The following GNL3 variants were observed in gnomAD, a reference collection of about 807,000 sequenced individuals.
The protein encoded by GNL3 is guanine nucleotide-binding protein-like 3.
A neutral mutation model predicts 70.6 loss-of-function variants in GNL3; 77 were observed. That is an observed-to-expected ratio of 1.09 (90% CI 0.91 to 1.32). GNL3 has a LOEUF of 1.32. Among genes scored for constraint, GNL3 ranks in the 40% most tolerant of loss-of-function variants. GNL3 has a pLI of 0.00. For synonymous variants in GNL3, 252 were observed against 216.1 expected (o/e 1.17, Z -1.46); for missense variants, 634 against 644.0 (o/e 0.98, Z 0.17).
In GNL3 at chr3:52,686,373, C is replaced by T. The variant is rs544488784; in HGVS notation, c.13+268C>T. ...TTTTCGTAAGGAAGCAGCGTCTGAG[C>T]CAGGTTTGAGGCCCAATATTTTCTT... On this transcript the variant is annotated intron_variant, in intron 1 of 14. Coordinates refer to ENST00000418458, the MANE Select transcript of GNL3 (RefSeq NM_014366.5). 5.1e-6 allele frequency: 3 copies of T among 587,034 alleles called. No homozygotes were observed. The East Asian group carries it at 8.6e-5, about 17-fold the overall frequency. The allele number at this position is 587,034 out of a possible 1,614,324, so 36.4% of individuals were successfully genotyped here. A position where few individuals can be genotyped will look rare whatever the true frequency, so the allele number is the denominator to read the frequency against.
rs1458380120 is a variant in GNL3 at position 52,691,640 on chromosome 3, G to T, written c.869+11G>T. 1 of 1,396,614 alleles carries T rather than the reference G, an allele frequency of 7.2e-7. No individual in the cohort carries two copies. Among genetic ancestry groups the T allele is most frequent in the African/African-American group, 1.4e-5 (1 of 70,646 alleles). 86.5% of individuals were successfully genotyped at this position (1,396,614 alleles called of 1,614,324 possible). ...CATGGGGCTTACAAGGTAAATGGAG[G>T]TGTCCATAATTGTAATATTATAGTG... On this transcript the variant is annotated intron_variant, in intron 9 of 14. Transcript: ENST00000418458.
rs749937727 is a variant in GNL3, at chr3:52,693,808, G to A, written c.1500+1G>A. ...GGAAACTGTTGATGAAGAAGTTGAT[G>A]TAAGTGTGTCCTCCATGAGTTAAAA... On this transcript the variant is annotated splice_donor_variant, in intron 13 of 14. Transcript: ENST00000418458. LOFTEE classifies it high-confidence loss of function. 2 of 1,611,006 alleles carry A rather than the reference G, an allele frequency of 1.2e-6. No individual in the cohort carries two copies. Among genetic ancestry groups the A allele is most frequent in the Admixed American group, 1.7e-5 (1 of 60,006 alleles).
At chr3:52,693,839 G>GTT in intron 13 of GNL3, 32 bp downstream of exon 13, 1 of 1,562,106 alleles carries the variant, frequency 6.4e-7, no homozygotes, top group Non-Finnish European at 8.8e-7. Context: ...TAAAACTGAA[G>GTT]TGAGTTTTCT....
At position 52,690,620 on chromosome 3, in the gene GNL3, C is replaced by T; in HGVS notation, c.570C>T (p.Ser190=). The T allele has an allele frequency of 6.2e-7, 1 of 1,608,802 alleles. No individual in the cohort carries two copies. The stretch of plus-strand genomic sequence containing the variant: ...TGGTACCAAAGGAGAATTTGGAGAG[C>T]TGGCTAAATTATTTGAAGAAAGAAT... ...SDLVPKENLE[S]WLNYLKKELP... is the part of the protein sequence containing the mutation. Residue 190 remains serine, a synonymous_variant, in exon 7 of 15, where the codon AGC becomes AGT. Transcript: ENST00000418458.
At chr3:52,688,022 G>A in intron 4 of GNL3, 87 bp from the exon 5 acceptor site, 2 of 779,216 alleles carry the variant, frequency 2.6e-6, no homozygotes, top group Non-Finnish European at 2.3e-6. Flanking sequence ...ACAACTGCAA[G>A]GGCTGCTACT....
Position 52,688,057 on chromosome 3 carries a change from G to A in GNL3, c.325-52G>A, listed in dbSNP as rs141041497. 1,342 of 997,794 alleles carry A rather than the reference G, an allele frequency of 1.3e-3. 11 individuals are homozygous for A. The highest frequency in any genetic ancestry group is 6.2e-3 in the South Asian group (487 of 78,818). The allele number at this position is 997,794 out of a possible 1,614,324, so 61.8% of individuals were successfully genotyped here. Reference sequence around the variant, plus strand: ...TCAGCTGTGGAAAATGGAGTTAGAGGTTACAGTTGCTCTACTTCTAATTTT... The same window carrying A: ...TCAGCTGTGGAAAATGGAGTTAGAGATTACAGTTGCTCTACTTCTAATTTT... On this transcript the variant is annotated intron_variant, in intron 4 of 14. Transcript: ENST00000418458.
chr3:52,693,552 T>C lies in GNL3; in HGVS notation c.1324+8T>C, dbSNP rs141357096. 547 of 1,614,158 alleles carry C rather than the reference T, an allele frequency of 3.4e-4. 3 individuals carry two copies. In the African/African-American group the frequency reaches 6.5e-3, roughly 19 times the overall value. On this transcript the variant is annotated splice_region_variant and intron_variant, in intron 12 of 14. Coordinates refer to ENST00000418458, the MANE Select transcript of GNL3 (RefSeq NM_014366.5). ...ATGCACAGAGCATAAGAGGTGAGAA[T>C]TGTGTGTCGCTGCTGTCTTCATCAG...
intron 2 of GNL3, 51 bp downstream of exon 2, chr3:52,686,878 T>G (rs1227617480): frequency 1.5e-6 from 2 of 1,374,494 alleles, no homozygotes; most frequent in South Asian, 2.3e-5. Context: ...TAAACTGATT[T>G]TGCCCTGTTC....
chr3:52,689,480 T>C (rs1227595474), intron 6 of GNL3, among the ~76,000 whole-genome samples: 1 of 152,164 alleles, frequency 6.6e-6, no homozygotes, highest in Non-Finnish European at 1.5e-5. Flanking sequence ...GTATATTTCA[T>C]CTAGGAAGTG....
chr3:52,691,288 G>T, intron 8 of GNL3: 1 of 608,236 alleles, frequency 1.6e-6, no homozygotes, highest in Non-Finnish European at 2.9e-6. Context: ...CAGGTTTTTT[G>T]TTGGGACTGA....
chr3:52,693,156 G>A (rs1383560289), intron 10 of GNL3, 31 bp from the exon 11 acceptor site: 5 of 1,594,988 alleles, frequency 3.1e-6, no homozygotes, highest in Non-Finnish European at 3.4e-6. Context: ...TCAGATGAAG[G>A]ACAGCTCCTT....
intron 8 of GNL3, 184 bp downstream of exon 8, chr3:52,691,255 A>AT: frequency 1.6e-6 from 1 of 623,164 alleles, no homozygotes; most frequent in Non-Finnish European, 2.8e-6. Context: ...AAAGAAAAAA[A>AT]CTTACACAAC....
chr3:52,691,136 C>T, intron 8 of GNL3, 65 bp downstream of exon 8: 1 of 1,413,974 alleles, frequency 7.1e-7, no homozygotes, highest in Non-Finnish European at 1.0e-6. Context: ...TTAGCCAGCT[C>T]TCCAAGTGCC....
In GNL3 at chr3:52,693,806, A is replaced by T; in HGVS notation, c.1499A>T (p.Asp500Val). 6.2e-7 allele frequency: 1 copy of T among 1,611,656 alleles called. No homozygotes were observed. Among genetic ancestry groups the T allele is most frequent in the African/African-American group, 1.3e-5 (1 of 74,952 alleles). The change falls in exon 13 of 15, where the codon GAT (aspartate) becomes GTT (valine). Residue 500 changes from aspartate (D) to valine (V), a missense_variant and splice_region_variant. Physicochemically the swap from Asp to Val is radical, Grantham distance 152. Coordinates refer to ENST00000418458, the MANE Select transcript of GNL3 (RefSeq NM_014366.5). ...SDQETVDEEV[D>V]ENSSGMFAAE... ...CAGGAAACTGTTGATGAAGAAGTTG[A>T]TGTAAGTGTGTCCTCCATGAGTTAA...
chr3:52,692,621 G>C (rs892550984), intron 9 of GNL3: 1 of 563,830 alleles, frequency 1.8e-6, no homozygotes, highest in African/African-American at 1.9e-5. Context: ...CCAGCCAGAA[G>C]GTGGCATATT....
At chr3:52,685,948 C>G (rs1405222764), upstream of GNL3, 1 of 723,778 alleles carries the variant, frequency 1.4e-6, no homozygotes, top group Non-Finnish European at 2.6e-6. Context: ...CTGCTCCGCG[C>G]GACACTGCGT....
At chr3:52,691,410 TTGAAG>T (rs2097327122) in intron 8 of GNL3, 127 bp from the exon 9 acceptor site, 2 of 677,778 alleles carry the variant, frequency 3.0e-6, no homozygotes, top group African/African-American at 1.8e-5. Context: ...GGTCTTAGTA[TTGAAG>T]TGAAGACACT....
In GNL3 at chr3:52,690,965, T is replaced by C; in HGVS notation, c.675T>C (p.Asn225=). Residue 225 remains asparagine, a synonymous_variant, in exon 8 of 15, where the codon AAT becomes AAC. Coordinates refer to ENST00000418458, the MANE Select transcript of GNL3 (RefSeq NM_014366.5). ...KITKRVKAKK[N]AAPFRSEVCF... The stretch of plus-strand genomic sequence containing the variant: ...TTTAGCGTGTGAAGGCAAAGAAGAA[T>C]GCTGCTCCATTCAGAAGTGAAGTCT... 2 of 1,614,020 alleles carry C rather than the reference T, an allele frequency of 1.2e-6. No homozygotes were observed. Among genetic ancestry groups the C allele is most frequent in the Non-Finnish European group, 1.7e-6 (2 of 1,179,846 alleles).
intron 8 of GNL3, 84 bp downstream of exon 8, chr3:52,691,155 AGT>A (rs2097326840): frequency 7.5e-6 from 9 of 1,197,346 alleles, no homozygotes; most frequent in Non-Finnish European, 1.1e-5. Flanking sequence ...CCCAAGCAGC[AGT>A]GTATGGAGTT....
Sources: allele counts gnomAD v4.1 joint callset (sites outside exome capture counted in the v4.1 genomes callset), GRCh38; gene constraint gnomAD v4.1.1; transcripts MANE v1.5; gene names NCBI Gene and HGNC (gene_info 2026-07-23, HGNC 2026-07-21).